Variants in CPSF6 observed in about 807,000 individuals in gnomAD.
CPSF6 encodes the protein cleavage and polyadenylation specific factor 6, also known as cleavage and polyadenylation specificity factor subunit 6.
A neutral mutation model predicts 56.7 loss-of-function variants in CPSF6; 10 were observed. That is an observed-to-expected ratio of 0.18 (90% CI 0.11 to 0.30). CPSF6 has a LOEUF of 0.30. Ranked by LOEUF, CPSF6 falls within the 10% of genes least tolerant of loss-of-function variation. The pLI, the probability that CPSF6 is intolerant of heterozygous loss-of-function variation, is 1.00. For missense variants in CPSF6, 419 were observed against 722.9 expected, an observed-to-expected ratio of 0.58 and a Z score of 4.82; for synonymous variants, 248 against 244.8, an observed-to-expected ratio of 1.01 and a Z score of -0.12.
At chr12:69,259,845 C>T (rs1872670770) in intron 7 of CPSF6, among the ~76,000 whole-genome samples, 199 bp from the exon 8 acceptor site, 1 of 152,136 alleles carries the variant, frequency 6.6e-6, no homozygotes, top group Admixed American at 6.5e-5. Context: ...GCTTCACACA[C>T]GTATAATAAG....
chr12:69,262,642 ATAT>A, intron 9 of CPSF6, 80 bp downstream of exon 9: 1 of 1,327,288 alleles, frequency 7.5e-7, no homozygotes, highest in Non-Finnish European at 9.8e-7. Context: ...TTTATACAGT[ATAT>A]ACCTACATTT....
At chr12:69,242,557 A>AG (rs1222586080) in intron 1 of CPSF6, among the ~76,000 whole-genome samples, 2 of 152,172 alleles carry the variant, frequency 1.3e-5, no homozygotes, top group African/African-American at 2.4e-5. Context: ...AGGAGGCACA[A>AG]GGGACTGGCT....
At chr12:69,243,845 T>G (rs1871750021) in intron 1 of CPSF6, among the ~76,000 whole-genome samples, 1 of 152,218 alleles carries the variant, frequency 6.6e-6, no homozygotes, top group Non-Finnish European at 1.5e-5. Context: ...TGTAATGTTT[T>G]CACTTGATTG....
chr12:69,267,739 T>C (rs922099224), intron 9 of CPSF6, among the ~76,000 whole-genome samples: 7 of 151,836 alleles, frequency 4.6e-5, no homozygotes, highest in Non-Finnish European at 7.4e-5. Context: ...TGCTAGACTA[T>C]CCCCCATATT....
chr12:69,245,648 T>C (rs1344156592), intron 1 of CPSF6, among the ~76,000 whole-genome samples: 1 of 152,172 alleles, frequency 6.6e-6, no homozygotes, highest in East Asian at 1.9e-4. Context: ...CTGTGAACTT[T>C]AGGGAAACTT....
At position 69,239,599 on chromosome 12, in the gene CPSF6, A is replaced by G. The variant is rs2305642; in HGVS notation, c.-48A>G. ...ATCCGCTGCTGCTGCCGCGGCGGGC[A>G]GACCTGCAGGAGGCGGCGGCGGCGG... On this transcript the variant is annotated 5_prime_UTR_variant, in exon 1 of 10. Transcript: ENST00000435070. 0.56 allele frequency: 846,349 copies of G among 1,513,658 alleles called. 239,545 individuals carry two copies. The highest frequency in any genetic ancestry group is 0.7 in the East Asian group (25,038 of 35,574). The allele number at this position is 1,513,658 out of a possible 1,614,324, so 93.8% of individuals were successfully genotyped here.
At chr12:69,242,976 T>TCCA (rs1024084228) in intron 1 of CPSF6, among the ~76,000 whole-genome samples, 4 of 151,944 alleles carry the variant, frequency 2.6e-5, no homozygotes, top group African/African-American at 9.7e-5. Flanking sequence ...AGTATGGTGG[T>TCCA]GCCTGCCTGT....
intron 7 of CPSF6, 132 bp from the exon 8 acceptor site, chr12:69,259,912 G>C: frequency 1.1e-6 from 1 of 877,970 alleles, no homozygotes. Flanking sequence ...ACTGAAAGAA[G>C]ACATTGTCTT....
At chr12:69,240,707 C>A (rs1871572125) in intron 1 of CPSF6, among the ~76,000 whole-genome samples, 1 of 150,836 alleles carries the variant, frequency 6.6e-6, no homozygotes, top group Admixed American at 6.6e-5. Context: ...CCCCGGGCCC[C>A]GTGTTACCTT....
chr12:69,260,319 G>GTT (rs10700569), intron 8 of CPSF6, 122 bp downstream of exon 8: 203,306 of 569,824 alleles, frequency 0.36, 19,796 homozygotes, highest in African/African-American at 0.42. Flanking sequence ...AGCTGGAGTG[G>GTT]TTTTTTTTTT....
intron 3 of CPSF6, among the ~76,000 whole-genome samples, chr12:69,254,418 T>C (rs1872407248): frequency 6.6e-6 from 1 of 152,242 alleles, no homozygotes; most frequent in Non-Finnish European, 1.5e-5. Flanking sequence ...CCACATGGCT[T>C]ACTCTTTGAC....
At chr12:69,250,343 A>C (rs1215983559) in intron 1 of CPSF6, among the ~76,000 whole-genome samples, 1 of 151,976 alleles carries the variant, frequency 6.6e-6, no homozygotes, top group Non-Finnish European at 1.5e-5. Context: ...GTGTGTTATT[A>C]CTTCTAGTTA....
intron 1 of CPSF6, among the ~76,000 whole-genome samples, chr12:69,249,432 C>T (rs1204501746): frequency 1.4e-5 from 2 of 139,514 alleles, no homozygotes; most frequent in South Asian, 2.3e-4. Context: ...GTCATTCTAT[C>T]CATTTAGGGA....
chr12:69,258,638 G>T lies in CPSF6; in HGVS notation c.743G>T (p.Gly248Val). Residue 248 changes from glycine (G) to valine (V), a missense_variant, in exon 6 of 10, where the codon GGT becomes GTT. This residue lies in a region of CPSF6 where 211 missense variants were observed against 296.0 expected (regional missense o/e 0.71). Coordinates refer to ENST00000435070, the MANE Select transcript of CPSF6 (RefSeq NM_007007.3). This position sits in a 1 kb window ranked among gnomAD's most constrained non-coding sequence, Gnocchi z 4.2. ...RPPLGPPGPPGPPGPPPPGQV... is the reference protein window; with the variant it reads ...RPPLGPPGPPVPPGPPPPGQV... Reference sequence around the variant, plus strand: ...CCCTTAGGTCCTCCAGGCCCACCTGGTCCACCAGGTCCTCCACCTCCTGGT... The same window carrying T: ...CCCTTAGGTCCTCCAGGCCCACCTGTTCCACCAGGTCCTCCACCTCCTGGT... The T allele has an allele frequency of 6.2e-7, 1 of 1,613,596 alleles. No individual in the cohort carries two copies. Among genetic ancestry groups the T allele is most frequent in the Non-Finnish European group, 8.5e-7 (1 of 1,179,836 alleles).
chr12:69,259,617 G>T, intron 7 of CPSF6, 74 bp downstream of exon 7: 1 of 1,224,696 alleles, frequency 8.2e-7, no homozygotes, highest in Non-Finnish European at 1.1e-6. Flanking sequence ...GTACAATCTA[G>T]AAGATAGGTC....
chr12:69,260,366 A>G (rs1187357204), intron 8 of CPSF6, among the ~76,000 whole-genome samples, 169 bp downstream of exon 8: 1 of 149,220 alleles, frequency 6.7e-6, no homozygotes, highest in Non-Finnish European at 1.5e-5. Context: ...AAAACCCTTT[A>G]AAGGCTCCTA....
intron 2 of CPSF6, 140 bp from the exon 3 acceptor site, chr12:69,252,911 A>G: frequency 3.9e-6 from 2 of 507,788 alleles, no homozygotes; most frequent in East Asian, 3.4e-5. Flanking sequence ...TTGGAGTCTG[A>G]CTGGCCATAA....
At chr12:69,250,387 T>C (rs965095309) in intron 1 of CPSF6, among the ~76,000 whole-genome samples, 3 of 151,952 alleles carry the variant, frequency 2.0e-5, no homozygotes, top group Non-Finnish European at 4.4e-5. Flanking sequence ...ATGTTACTTA[T>C]TTTGTTTCCA....
chr12:69,268,917 A>G (rs958399250), intron 9 of CPSF6, among the ~76,000 whole-genome samples: 5 of 151,854 alleles, frequency 3.3e-5, no homozygotes, highest in African/African-American at 7.2e-5. Flanking sequence ...TATTACGTCT[A>G]AAGATTTGTA....
Sources: gnomAD v4.1 joint callset for allele counts (sites outside exome capture counted in the v4.1 genomes callset) on GRCh38, gnomAD v4.1.1 for gene constraint, gnomAD v4.1.1 regional missense constraint, Gnocchi (gnomAD v3.1) non-coding constraint, MANE v1.5 for transcripts, NCBI Gene and HGNC (gene_info 2026-07-23, HGNC 2026-07-21) for gene names.